EIF3A: variants seen among roughly 807,000 people sequenced by gnomAD.
The protein encoded by EIF3A is eukaryotic translation initiation factor 3 subunit A, also known as EIF3, p180 subunit.
In EIF3A, 21 loss-of-function variants were observed where a neutral mutation model predicts 186.6. The observed-to-expected ratio is 0.11, with a 90% CI of 0.08 to 0.16. The LOEUF is 0.16. Ranked by LOEUF, EIF3A falls within the 10% of genes least tolerant of loss-of-function variation. EIF3A has a pLI of 1.00. For synonymous variants in EIF3A, 563 were observed against 584.3 expected, an observed-to-expected ratio of 0.96 and a Z score of 0.52; for missense variants, 1,306 against 1,796.3, an observed-to-expected ratio of 0.73 and a Z score of 4.93.
intron 17 of EIF3A, among the ~76,000 whole-genome samples, chr10:119,047,713 T>C (rs1848299424): frequency 6.6e-6 from 1 of 152,224 alleles, no homozygotes; most frequent in South Asian, 2.1e-4. Flanking sequence ...AGGGAAAATG[T>C]ATTCTTAAAT....
intron 1 of EIF3A, among the ~76,000 whole-genome samples, chr10:119,079,683 T>G (rs1445457962): frequency 6.6e-6 from 1 of 151,922 alleles, no homozygotes; most frequent in African/African-American, 2.4e-5. Flanking sequence ...CTTGGAGAGA[T>G]CGGGGCACAC....
chr10:119,076,016 G>T (rs1440334653), intron 1 of EIF3A, among the ~76,000 whole-genome samples: 1 of 141,980 alleles, frequency 7.0e-6, no homozygotes, highest in African/African-American at 2.6e-5. Context: ...GTGAGCCACC[G>T]CACCCAGCCA....
At chr10:119,078,357 T>C (rs983854723) in intron 1 of EIF3A, among the ~76,000 whole-genome samples, 11 of 151,810 alleles carry the variant, frequency 7.2e-5, no homozygotes, top group Admixed American at 1.3e-4. Context: ...CTCATATATA[T>C]GCTTAGGGTG....
At position 119,058,232 on chromosome 10, in the gene EIF3A, C is replaced by G; in HGVS notation, c.1701G>C (p.Arg567=). The G allele has an allele frequency of 3.1e-6, 5 of 1,613,202 alleles. No homozygotes were observed. Among genetic ancestry groups the G allele is most frequent in the Non-Finnish European group, 4.2e-6 (5 of 1,179,700 alleles). ...CAATTGTCTGGCGGCGAGCCAGGAT[C>G]CGCTGGTGCTCTTTTCGTGAATTTT... The part of the protein sequence containing the change: ...YLKNSRKEHQ[R]ILARRQTIEE... Residue 567 remains arginine (R), a synonymous_variant, in exon 12 of 22, where the codon CGG becomes CGC. Coordinates refer to ENST00000369144, the MANE Select transcript of EIF3A (RefSeq NM_003750.4).
chr10:119,072,848 A>AAGGG (rs1844100952), intron 4 of EIF3A, 42 bp downstream of exon 4: 1 of 1,569,552 alleles, frequency 6.4e-7, no homozygotes, highest in Non-Finnish European at 8.6e-7. Context: ...CTCCTCAGTC[A>AAGGG]ATTTCAAAGC....
In EIF3A at chr10:119,080,793, G is replaced by A. The variant is rs922003598; in HGVS notation, c.-117C>T. ...ACGCGCCTCGCCAGCAGTCGCCCGC[G>A]CCCAGCCGGCCAGAGACGGAAAGGA... is the stretch of plus-strand genomic sequence containing the variant. On this transcript the variant is annotated 5_prime_UTR_variant, in exon 1 of 22. Transcript: ENST00000369144. 22 of 1,435,170 alleles carry A rather than the reference G, an allele frequency of 1.5e-5. 1 individual carries two copies. The highest frequency in any genetic ancestry group is 8.4e-5 in the Admixed American group (3 of 35,662). The allele number at this position is 1,435,170 out of a possible 1,614,324, so 88.9% of individuals were successfully genotyped here. A position where few individuals can be genotyped will look rare whatever the true frequency, so the allele number is the denominator to read the frequency against.
intron 4 of EIF3A, among the ~76,000 whole-genome samples, chr10:119,071,379 C>T (rs1420676288): frequency 6.6e-6 from 1 of 152,010 alleles, no homozygotes; most frequent in African/African-American, 2.4e-5. Context: ...TTCAAAGACC[C>T]ACCACTTTAA....
chr10:119,070,752 T>G lies in EIF3A; in HGVS notation c.741+134A>C, dbSNP rs1844058463. The G allele has an allele frequency of 4.0e-5, 26 of 657,848 alleles. No homozygotes were observed. The South Asian group carries it at 5.0e-4, about 13-fold the overall frequency. 40.8% of individuals were successfully genotyped at this position (657,848 alleles called of 1,614,324 possible). ...ATTTCTTGTTCAGAACTTTTCCCAG[T>G]CCATTAGGCAACTTTAATTCCTTAC... On this transcript the variant is annotated intron_variant, in intron 5 of 21. Transcript: ENST00000369144.
In EIF3A at chr10:119,070,886, C is replaced by T; in HGVS notation, c.741G>A (p.Gln247=). Reference sequence around the variant, plus strand: ...AGAAAAGCTAATAGCTCCAACATACCTGCCACAATTCCATGCTGATAGCAC... The same window carrying T: ...AGAAAAGCTAATAGCTCCAACATACTTGCCACAATTCCATGCTGATAGCAC... ...LDSAISMELW[Q]EAFKAVEDIH... Residue 247 remains glutamine, a splice_region_variant and synonymous_variant, in exon 5 of 22, where the codon CAG becomes CAA. Transcript: ENST00000369144. 6.2e-7 allele frequency: 1 copy of T among 1,608,868 alleles called. No homozygotes were observed.
chr10:119,053,645 AG>A (rs1006191888), intron 14 of EIF3A, among the ~76,000 whole-genome samples: 9 of 150,602 alleles, frequency 6.0e-5, no homozygotes, highest in Non-Finnish European at 1.2e-4. Context: ...ACTTGAGCCC[AG>A]GGGGTAGATA....
At chr10:119,062,032 A>G (rs1843896480) in intron 7 of EIF3A, among the ~76,000 whole-genome samples, 1 of 152,228 alleles carries the variant, frequency 6.6e-6, no homozygotes, top group Admixed American at 6.5e-5. Flanking sequence ...GAGGGCACCC[A>G]CACATGGGAG....
intron 14 of EIF3A, among the ~76,000 whole-genome samples, chr10:119,053,279 A>G (rs1381269598): frequency 2.0e-5 from 3 of 152,128 alleles, no homozygotes; most frequent in Non-Finnish European, 2.9e-5. Context: ...AATTGGCTTC[A>G]ACTTCCAGTT....
Position 119,058,440 on chromosome 10 carries a change from A to C in EIF3A, c.1630-137T>G, listed in dbSNP as rs552018379. 29 of 670,344 alleles carry C rather than the reference A, an allele frequency of 4.3e-5. No homozygotes were observed. In the South Asian group the frequency reaches 5.7e-4, roughly 13 times the overall value. 41.5% of individuals were successfully genotyped at this position (670,344 alleles called of 1,614,324 possible). A position where few individuals can be genotyped will look rare whatever the true frequency, so the allele number is the denominator to read the frequency against. On this transcript the variant is annotated intron_variant, in intron 11 of 21. Transcript: ENST00000369144. ...TTGATAATGGAAGATGACACTATCC[A>C]AGCTGTTTGTTTTCGGTATTAAATG...
chr10:119,066,646 T>TTC (rs1193642365), intron 6 of EIF3A, among the ~76,000 whole-genome samples: 5 of 151,744 alleles, frequency 3.3e-5, no homozygotes, highest in Admixed American at 6.6e-5. Context: ...GAGCTAAATT[T>TTC]TCACATCCCT....
intron 17 of EIF3A, among the ~76,000 whole-genome samples, chr10:119,046,358 T>C (rs898312336): frequency 6.6e-6 from 1 of 152,182 alleles, no homozygotes; most frequent in African/African-American, 2.4e-5. Context: ...AGAAAAAACT[T>C]ATGAGACACA....
At chr10:119,037,836 A>G (rs1049788622) in intron 20 of EIF3A, among the ~76,000 whole-genome samples, 13 of 151,992 alleles carry the variant, frequency 8.6e-5, no homozygotes, top group African/African-American at 2.7e-4. Flanking sequence ...ACTGGTTCCA[A>G]TGCCCAACGG....
intron 7 of EIF3A, among the ~76,000 whole-genome samples, chr10:119,062,393 G>A (rs1300314543): frequency 3.3e-5 from 5 of 152,202 alleles, no homozygotes; most frequent in African/African-American, 9.7e-5. Context: ...GTCTTTTCCT[G>A]AGATAATGGA....
intron 4 of EIF3A, among the ~76,000 whole-genome samples, chr10:119,072,207 TAA>T (rs1243808164): frequency 3.6e-5 from 3 of 82,488 alleles, no homozygotes; most frequent in Non-Finnish European, 2.5e-5. Flanking sequence ...AAAAATAAAT[TAA>T]AAAAAAAAAA....
At position 119,065,735 on chromosome 10, in the gene EIF3A, G is replaced by GAGAA. The variant is rs1198189677; in HGVS notation, c.951-169_951-166dup. 2.6e-5 allele frequency among the ~76,000 whole-genome samples: 4 copies of GAGAA among 152,214 alleles called. No homozygotes were observed. The East Asian group carries it at 7.7e-4, about 29-fold the overall frequency. On this transcript the variant is annotated intron_variant, in intron 6 of 21. Transcript: ENST00000369144. ...TTATTCCATCAAAGCATGGGAGTAA[G>GAGAA]AGAAATGGGCTGTGTTTAAACGAAT...
Sources: gnomAD v4.1 joint callset for allele counts (sites outside exome capture counted in the v4.1 genomes callset) on GRCh38, gnomAD v4.1.1 for gene constraint, MANE v1.5 for transcripts, NCBI Gene and HGNC (gene_info 2026-07-23, HGNC 2026-07-21) for gene names.